Variants in CADPS2 observed in about 807,000 individuals in gnomAD.
CADPS2 encodes the protein calcium dependent secretion activator 2.
A neutral mutation model predicts 172.5 loss-of-function variants in CADPS2; 93 were observed. The ratio of observed to expected loss-of-function variants is 0.54; its 90% CI spans 0.46 to 0.64. The LOEUF (loss-of-function observed/expected upper bound fraction) is 0.64, where lower values mean the gene tolerates loss of function less well. Ranked by LOEUF, CADPS2 falls within the 30% of genes least tolerant of loss-of-function variation. The pLI is 0.00. For missense variants in CADPS2, 1,420 were observed against 1,565.9 expected, an observed-to-expected ratio of 0.91 and a Z score of 1.57; for synonymous variants, 546 against 555.2, an observed-to-expected ratio of 0.98 and a Z score of 0.23.
intron 1 of CADPS2, among the ~76,000 whole-genome samples, chr7:122,822,619 C>A: frequency 6.8e-6 from 1 of 147,872 alleles, no homozygotes; most frequent in South Asian, 2.2e-4. Flanking sequence ...CCCAGATGGC[C>A]TGAAGTAACT....
At chr7:122,879,470 G>C (rs1330942512) in intron 1 of CADPS2, among the ~76,000 whole-genome samples, 1 of 151,920 alleles carries the variant, frequency 6.6e-6, no homozygotes, top group Admixed American at 6.6e-5. Flanking sequence ...AGGAGGCAGA[G>C]GTTGCAGTGA....
At chr7:122,353,879 C>T (rs1198800464) in intron 27 of CADPS2, among the ~76,000 whole-genome samples, 1 of 152,170 alleles carries the variant, frequency 6.6e-6, no homozygotes, top group Non-Finnish European at 1.5e-5. Context: ...CTAGTCCTAT[C>T]TTCTTGACTG....
intron 2 of CADPS2, among the ~76,000 whole-genome samples, chr7:122,693,972 TAA>T (rs1336367025): frequency 6.6e-6 from 1 of 151,862 alleles, no homozygotes; most frequent in Non-Finnish European, 1.5e-5. Flanking sequence ...CTCAAAAAAA[TAA>T]AAGAGTTAAG....
At chr7:122,505,432 A>C (rs1342764843) in intron 9 of CADPS2, among the ~76,000 whole-genome samples, 2 of 152,222 alleles carry the variant, frequency 1.3e-5, no homozygotes, top group Non-Finnish European at 2.9e-5. Flanking sequence ...AACAAAAATC[A>C]AGAAGTCAAA....
At chr7:122,391,908 T>C (rs933315462) in intron 22 of CADPS2, among the ~76,000 whole-genome samples, 4 of 152,110 alleles carry the variant, frequency 2.6e-5, no homozygotes, top group African/African-American at 4.8e-5. Context: ...CGAACCTGGG[T>C]TCAAATTTTG....
intron 6 of CADPS2, among the ~76,000 whole-genome samples, chr7:122,588,567 T>C (rs1033986883): frequency 3.3e-5 from 5 of 152,004 alleles, no homozygotes; most frequent in Admixed American, 6.6e-5. Flanking sequence ...TAAAATGATA[T>C]AACAGATTCT....
At chr7:122,471,257 T>G in intron 14 of CADPS2, 118 bp downstream of exon 14, 8 of 448,116 alleles carry the variant, frequency 1.8e-5, no homozygotes, top group Non-Finnish European at 2.5e-5. Flanking sequence ...TTTTTTTTCC[T>G]TGTAAGAAGT....
intron 19 of CADPS2, 89 bp from the exon 20 acceptor site, chr7:122,407,785 CAT>C (rs1451853208): frequency 8.7e-6 from 11 of 1,269,406 alleles, no homozygotes; most frequent in African/African-American, 1.5e-5. Flanking sequence ...TATTTTATAA[CAT>C]GTCTTAGTTT....
At chr7:122,731,937 CTTCT>C (rs1350708681) in intron 2 of CADPS2, among the ~76,000 whole-genome samples, 2 of 151,768 alleles carry the variant, frequency 1.3e-5, no homozygotes, top group African/African-American at 4.8e-5. Context: ...CACAAACATA[CTTCT>C]TTATTATTCT....
At chr7:122,390,950 A>C (rs1358110395) in intron 22 of CADPS2, among the ~76,000 whole-genome samples, 1 of 152,044 alleles carries the variant, frequency 6.6e-6, no homozygotes, top group African/African-American at 2.4e-5. Flanking sequence ...AACAGAATAA[A>C]GATTTATATA....
intron 25 of CADPS2, chr7:122,369,518 A>G (rs1049884592): frequency 7.2e-5 from 11 of 152,126 alleles, no homozygotes; most frequent in Admixed American, 7.2e-4. Context: ...CTGCTGATAC[A>G]GTCCTTTTTT....
intron 15 of CADPS2, among the ~76,000 whole-genome samples, chr7:122,447,517 C>G (rs2052416084): frequency 7.1e-6 from 1 of 140,268 alleles, no homozygotes; most frequent in Non-Finnish European, 1.6e-5. Context: ...CTTTCTCTCT[C>G]CCATGTTGAT....
At chr7:122,794,509 G>T (rs953232478) in intron 1 of CADPS2, among the ~76,000 whole-genome samples, 2 of 151,582 alleles carry the variant, frequency 1.3e-5, no homozygotes, top group African/African-American at 2.4e-5. Flanking sequence ...CAACTCCCAC[G>T]CAATAATAGT....
chr7:122,554,382 G>A (rs1382252519), intron 8 of CADPS2, among the ~76,000 whole-genome samples, 168 bp downstream of exon 8: 1 of 152,040 alleles, frequency 6.6e-6, no homozygotes, highest in Non-Finnish European at 1.5e-5. Flanking sequence ...GAGCTATAAA[G>A]CCGTCTATGG....
At chr7:122,339,773 G>C (rs2036487489) in intron 28 of CADPS2, among the ~76,000 whole-genome samples, 1 of 152,108 alleles carries the variant, frequency 6.6e-6, no homozygotes, top group African/African-American at 2.4e-5. Context: ...TGTTGTCCCA[G>C]CTACTCTGCA....
At chr7:122,640,414 T>C (rs1219746295) in intron 3 of CADPS2, among the ~76,000 whole-genome samples, 1 of 151,916 alleles carries the variant, frequency 6.6e-6, no homozygotes, top group Non-Finnish European at 1.5e-5. Context: ...AAAATAATTA[T>C]CTTTCTTTAC....
At chr7:122,486,438 T>C (rs1278063096) in intron 11 of CADPS2, among the ~76,000 whole-genome samples, 1 of 152,092 alleles carries the variant, frequency 6.6e-6, no homozygotes, top group Non-Finnish European at 1.5e-5. Flanking sequence ...GCAGATGTCA[T>C]GAAAATAGCA....
intron 1 of CADPS2, among the ~76,000 whole-genome samples, chr7:122,769,221 G>A (rs891724498): frequency 6.6e-6 from 1 of 152,144 alleles, no homozygotes; most frequent in Admixed American, 6.5e-5. Context: ...ACCAACACAT[G>A]GTTTTAAAAT....
At chr7:122,830,389 A>T (rs1024925176) in intron 1 of CADPS2, among the ~76,000 whole-genome samples, 1 of 148,432 alleles carries the variant, frequency 6.7e-6, no homozygotes, top group African/African-American at 2.5e-5. Flanking sequence ...TCTTATTCTG[A>T]CACTGCTAAA....
Sources: allele counts gnomAD v4.1 joint callset (sites outside exome capture counted in the v4.1 genomes callset), GRCh38; gene constraint gnomAD v4.1.1; transcripts MANE v1.5; gene names NCBI Gene and HGNC (gene_info 2026-07-23, HGNC 2026-07-21).